The following RNF8 variants were observed in gnomAD, a reference collection of about 807,000 sequenced individuals.
The protein encoded by RNF8 is ring finger protein 8, also known as E3 ubiquitin-protein ligase RNF8.
In RNF8, 8 loss-of-function variants were observed where a neutral mutation model predicts 59.3. The observed-to-expected ratio is 0.13, with a 90% confidence interval of 0.08 to 0.24. The LOEUF (loss-of-function observed/expected upper bound fraction) is 0.24. Ranked by LOEUF, RNF8 falls within the 10% of genes least tolerant of loss-of-function variation. RNF8 has a pLI of 1.00. For synonymous variants in RNF8, 162 were observed against 200.0 expected (o/e 0.81, Z 1.60); for missense variants, 406 against 572.6 (o/e 0.71, Z 2.97).
At chr6:37,367,201 A>G (rs1769593049) in intron 2 of RNF8, among the ~76,000 whole-genome samples, 1 of 152,126 alleles carries the variant, frequency 6.6e-6, no homozygotes, top group Non-Finnish European at 1.5e-5. Flanking sequence ...TTAAATCCAC[A>G]CAGACACCAT....
chr6:37,363,230 G>A lies in RNF8; in HGVS notation c.240+2656G>A, dbSNP rs572150807. Among the ~76,000 whole-genome samples, 16 of 152,294 alleles carry A rather than the reference G, an allele frequency of 1.1e-4. No individual in the cohort carries two copies. The South Asian group carries it at 3.3e-3, about 32-fold the overall frequency. On this transcript the variant is annotated intron_variant, in intron 2 of 7. Transcript: ENST00000373479. ...GGACAGTTCAGCTTCTGGTCCTCCA[G>A]CAACTAGAGCAGTGGTTATCAACCC...
At chr6:37,381,542 C>T (rs74791385) in intron 7 of RNF8, among the ~76,000 whole-genome samples, 188 bp downstream of exon 7, 2,561 of 152,074 alleles carry the variant, frequency 0.017, 25 homozygotes, top group Non-Finnish European at 0.024. Flanking sequence ...TAGAATTAAC[C>T]GCAACTGTTA....
chr6:37,373,934 C>T (rs1238667519), intron 4 of RNF8, among the ~76,000 whole-genome samples: 1 of 152,156 alleles, frequency 6.6e-6, no homozygotes, highest in East Asian at 1.9e-4. Flanking sequence ...TATACTTAAG[C>T]ATGAGAGAAC....
At chr6:37,374,075 C>G (rs1451225113) in intron 4 of RNF8, among the ~76,000 whole-genome samples, 1 of 152,178 alleles carries the variant, frequency 6.6e-6, no homozygotes, top group Admixed American at 6.5e-5. Context: ...GCAGCATTGT[C>G]TGAGCATGTA....
chr6:37,367,931 G>T (rs1562088663), intron 2 of RNF8, among the ~76,000 whole-genome samples: 3 of 152,090 alleles, frequency 2.0e-5, no homozygotes, highest in Non-Finnish European at 4.4e-5. Context: ...ATCCTGTATT[G>T]CCCATATACC....
intron 2 of RNF8, among the ~76,000 whole-genome samples, chr6:37,367,186 T>C (rs955557747): frequency 2.6e-5 from 4 of 152,204 alleles, no homozygotes; most frequent in African/African-American, 9.7e-5. Context: ...CCATATGTTA[T>C]CTCATTAAAT....
intron 2 of RNF8, among the ~76,000 whole-genome samples, chr6:37,363,260 T>A (rs992909737): frequency 3.9e-5 from 6 of 152,206 alleles, no homozygotes; most frequent in Non-Finnish European, 7.3e-5. Flanking sequence ...CAACCCTGTT[T>A]CCAGTTTTTA....
chr6:37,355,138 C>T (rs1460761239), intron 1 of RNF8, among the ~76,000 whole-genome samples: 1 of 152,012 alleles, frequency 6.6e-6, no homozygotes, highest in Non-Finnish European at 1.5e-5. Flanking sequence ...GTTCAAGATG[C>T]ACCAGCGTGG....
intron 7 of RNF8, among the ~76,000 whole-genome samples, chr6:37,387,274 G>A (rs1342348651): frequency 6.6e-6 from 1 of 152,190 alleles, no homozygotes; most frequent in Non-Finnish European, 1.5e-5. Flanking sequence ...ATCCTGGAGA[G>A]TTTGGACTGC....
Position 37,368,825 on chromosome 6 carries a change from A to G in RNF8, c.582A>G (p.Glu194=), listed in dbSNP as rs757004380. 6.2e-7 allele frequency: 1 copy of G among 1,614,184 alleles called. No homozygotes were observed. The highest frequency in any genetic ancestry group is 1.1e-5 in the South Asian group (1 of 91,080). ...CAGTGAAATCACAGGGGAAAGGTGA[A>G]GTGGCCAGTACACCCTCTGACAATT... ...GQPVKSQGKG[E]VASTPSDNLD... is the part of the protein sequence containing the mutation. The change falls in exon 3 of 8, where the codon GAA becomes GAG. Residue 194 remains glutamate (E), a synonymous_variant. Coordinates refer to ENST00000373479, the MANE Select transcript of RNF8 (RefSeq NM_003958.4).
At chr6:37,354,321 G>A in intron 1 of RNF8, 46 bp downstream of exon 1, 1 of 1,436,572 alleles carries the variant, frequency 7.0e-7, no homozygotes. Context: ...GGGCTGGAGG[G>A]AGCGGGGCTC....
chr6:37,355,879 CACACAAAAATAAA>C (rs1241904744), intron 1 of RNF8, among the ~76,000 whole-genome samples: 1 of 152,114 alleles, frequency 6.6e-6, no homozygotes, highest in Admixed American at 6.5e-5. Context: ...CTGAATAATA[CACACAAAAATAAA>C]TTATTTTTGT....
At chr6:37,363,729 C>T (rs1054367001) in intron 2 of RNF8, among the ~76,000 whole-genome samples, 1 of 152,154 alleles carries the variant, frequency 6.6e-6, no homozygotes, top group African/African-American at 2.4e-5. Flanking sequence ...ATACATATAG[C>T]TCTTGACACA....
Position 37,368,995 on chromosome 6 carries a change from T to G in RNF8, c.752T>G (p.Val251Gly). The change falls in exon 3 of 8, where the codon GTG (valine) becomes GGG (glycine). Residue 251 changes from valine (V) to glycine (G), a missense_variant. This residue lies in a region of RNF8 where 285 missense variants were observed against 342.0 expected (regional missense o/e 0.83). Transcript: ENST00000373479. Reference protein sequence around the residue: ...ASQRSLQMFKVTMSRILRLKI... With the variant: ...ASQRSLQMFKGTMSRILRLKI... The stretch of plus-strand genomic sequence containing the variant: ...CAGAGAAGCTTACAGATGTTTAAGG[T>G]GACCATGTCCAGGATTCTGAGGCTC... The G allele has an allele frequency of 6.2e-7, 1 of 1,614,176 alleles. No individual in the cohort carries two copies. The highest frequency in any genetic ancestry group is 8.5e-7 in the Non-Finnish European group (1 of 1,180,034).
intron 3 of RNF8, 103 bp from the exon 4 acceptor site, chr6:37,371,409 T>G: frequency 1.2e-6 from 1 of 867,016 alleles, no homozygotes; most frequent in Non-Finnish European, 1.8e-6. Context: ...CCCTGTTGTT[T>G]CCAGATGCTC....
chr6:37,392,559 A>C lies in RNF8; in HGVS notation c.*1801A>C. The C allele has an allele frequency of 2.5e-6, 1 of 398,636 alleles. No individual in the cohort carries two copies. Among genetic ancestry groups the C allele is most frequent in the Non-Finnish European group, 4.4e-6 (1 of 226,066 alleles). The allele number at this position is 398,636 out of a possible 1,614,324, so 24.7% of individuals were successfully genotyped here. On this transcript the variant is annotated 3_prime_UTR_variant, in exon 8 of 8. Coordinates refer to ENST00000373479, the MANE Select transcript of RNF8 (RefSeq NM_003958.4). Reference sequence around the variant, plus strand: ...TGTGGTCTTTTTCCTTGCTTTGCACAAATGGTAAACTGTACGCTATTCTGA... The same window carrying C: ...TGTGGTCTTTTTCCTTGCTTTGCACCAATGGTAAACTGTACGCTATTCTGA...
rs559783560 is a variant in RNF8 at position 37,368,912 on chromosome 6, C to T, written c.669C>T (p.Gly223=). 2 of 1,614,214 alleles carry T rather than the reference C, an allele frequency of 1.2e-6. No individual in the cohort carries two copies. The highest frequency in any genetic ancestry group is 1.1e-5 in the South Asian group (1 of 91,088). ...SKTTGAPIYP[G]FPKVTEVHHE... ...CCACAGGGGCTCCCATTTACCCTGG[C>T]TTCCCCAAAGTCACAGAGGTTCATC... The change falls in exon 3 of 8, where the codon GGC becomes GGT. Residue 223 remains glycine (G), a synonymous_variant. Transcript: ENST00000373479.
At chr6:37,374,362 G>T (rs1202776894) in intron 4 of RNF8, among the ~76,000 whole-genome samples, 4 of 152,198 alleles carry the variant, frequency 2.6e-5, no homozygotes, top group Non-Finnish European at 5.9e-5. Flanking sequence ...AGTTGACTTG[G>T]ATGGCCACCA....
chr6:37,366,157 G>A (rs910083638), intron 2 of RNF8, among the ~76,000 whole-genome samples: 2 of 152,162 alleles, frequency 1.3e-5, no homozygotes, highest in Non-Finnish European at 2.9e-5. Context: ...TCAGAACTCA[G>A]AAGTTCTGAG....
Sources: gnomAD v4.1 joint callset for allele counts (sites outside exome capture counted in the v4.1 genomes callset) on GRCh38, gnomAD v4.1.1 for gene constraint, gnomAD v4.1.1 regional missense constraint, MANE v1.5 for transcripts, NCBI Gene and HGNC (gene_info 2026-07-23, HGNC 2026-07-21) for gene names.